LAMB1: variants seen among roughly 807,000 people sequenced by gnomAD.
LAMB1 encodes the protein laminin subunit beta-1.
A neutral mutation model predicts 222.3 loss-of-function variants in LAMB1; 121 were observed. The ratio of observed to expected loss-of-function variants is 0.54; its 90% CI spans 0.47 to 0.63. The LOEUF (loss-of-function observed/expected upper bound fraction) is 0.63, where lower values mean the gene tolerates loss of function less well. Ranked by LOEUF, LAMB1 falls within the 30% of genes least tolerant of loss-of-function variation. The pLI, the probability that LAMB1 is intolerant of heterozygous loss-of-function variation, is 0.00. For synonymous variants in LAMB1, 794 were observed against 807.2 expected (o/e 0.98, Z 0.28); for missense variants, 2,172 against 2,240.8 (o/e 0.97, Z 0.62).
intron 19 of LAMB1, 82 bp downstream of exon 19, chr7:107,959,609 A>G (rs754631684): frequency 1.9e-6 from 3 of 1,613,190 alleles, no homozygotes; most frequent in South Asian, 2.2e-5. Context: ...GGAGGGAAGC[A>G]TCGGCTCTGC....
chr7:107,956,803 C>G (rs2033387481), intron 20 of LAMB1, among the ~76,000 whole-genome samples: 1 of 152,202 alleles, frequency 6.6e-6, no homozygotes. Flanking sequence ...TGGTTCCAAA[C>G]TCAGGCAGGG....
chr7:107,940,365 G>C lies in LAMB1; in HGVS notation c.3392-7C>G. ...CTGGGGTCACAGTCACAGGCTAGAA[G>C]GGAATAAGCAATGCTAGCTGATCTA... On this transcript the variant is annotated splice_region_variant and splice_polypyrimidine_tract_variant and intron_variant, in intron 24 of 33. Coordinates refer to ENST00000222399, the MANE Select transcript of LAMB1 (RefSeq NM_002291.3). The C allele has an allele frequency of 6.2e-7, 1 of 1,606,794 alleles. No individual in the cohort carries two copies.
intron 7 of LAMB1, 57 bp downstream of exon 7, chr7:107,985,965 A>T (rs2034068146): frequency 2.2e-6 from 3 of 1,395,088 alleles, no homozygotes; most frequent in Non-Finnish European, 3.0e-6. Context: ...CTCAAAAAAC[A>T]AAACAAAACA....
In LAMB1 at chr7:108,001,897, G is replaced by A. The variant is rs139532877; in HGVS notation, c.38-164C>T. ...CAATGGAGAGATGAGCGCAGGAGAG[G>A]CTGGGAAGGCAGGGACTCCGAAAGG... is the stretch of plus-strand genomic sequence containing the variant. On this transcript the variant is annotated intron_variant, in intron 2 of 33. Transcript: ENST00000222399. The A allele has an allele frequency of 8.8e-4, 1,298 of 1,467,556 alleles. 9 individuals carry two copies. In the African/African-American group the frequency reaches 0.017, roughly 19 times the overall value. The allele number at this position is 1,467,556 out of a possible 1,614,324, so 90.9% of individuals were successfully genotyped here. A position where few individuals can be genotyped will look rare whatever the true frequency, so the allele number is the denominator to read the frequency against.
rs375320552 is a variant in LAMB1, at chr7:107,935,352, T to TG, written c.4188+62_4188+63insC. The TG allele has an allele frequency of 1.5e-4, 63 of 423,876 alleles. No homozygotes were observed. The African/African-American group carries it at 2.0e-3, about 13-fold the overall frequency. 26.3% of individuals were successfully genotyped at this position (423,876 alleles called of 1,614,324 possible). Reference sequence around the variant, plus strand: ...AAGATGGTTTGTTTTTCTTTGTTTTTTTTTTTTTTTTTTTTTTTTTTGCTT... The same window carrying TG: ...AAGATGGTTTGTTTTTCTTTGTTTTTGTTTTTTTTTTTTTTTTTTTTTGCTT... On this transcript the variant is annotated intron_variant, in intron 27 of 33. Coordinates refer to ENST00000222399, the MANE Select transcript of LAMB1 (RefSeq NM_002291.3).
At chr7:107,931,076 G>A (rs1054692549) in intron 29 of LAMB1, among the ~76,000 whole-genome samples, 5 of 152,088 alleles carry the variant, frequency 3.3e-5, no homozygotes, top group Admixed American at 6.5e-5. Flanking sequence ...ATTACTATAC[G>A]TAATTTCTAA....
At position 107,961,636 on chromosome 7, in the gene LAMB1, C is replaced by T. The variant is rs769757442; in HGVS notation, c.1898G>A (p.Arg633Gln). Reference sequence around the variant, plus strand: ...GCTGCTGGTTGGAATCCTTCCAGGTCGCTGCACTGTGATGACAGCTTTTTC... The same window carrying T: ...GCTGCTGGTTGGAATCCTTCCAGGTTGCTGCACTGTGATGACAGCTTTTTC... ...HWEKAVITVQ[R>Q]PGRIPTSSRC... Residue 633 changes from arginine (R) to glutamine (Q), a missense_variant, in exon 16 of 34, where the codon CGA (arginine) becomes CAA (glutamine). Arg to Gln is a conservative substitution (Grantham distance 43). Coordinates refer to ENST00000222399, the MANE Select transcript of LAMB1 (RefSeq NM_002291.3). 118 of 1,613,928 alleles carry T rather than the reference C, an allele frequency of 7.3e-5. No homozygotes were observed. The highest frequency in any genetic ancestry group is 9.3e-5 in the African/African-American group (7 of 74,892).
chr7:107,996,360 T>TAGAAA (rs1351281776), intron 4 of LAMB1, among the ~76,000 whole-genome samples: 3 of 152,302 alleles, frequency 2.0e-5, no homozygotes, highest in South Asian at 4.1e-4. Context: ...ATAGTGTATT[T>TAGAAA]GATTTCTGTC....
At position 108,001,288 on chromosome 7, in the gene LAMB1, C is replaced by T. The variant is rs144093284; in HGVS notation, c.213+270G>A. 2.9e-3 allele frequency among the ~76,000 whole-genome samples: 446 copies of T among 152,368 alleles called. 2 individuals carry two copies. The highest frequency in any genetic ancestry group is 0.01 in the African/African-American group (423 of 41,592). ...TTTAAAAAACACACACACAATCAGG[C>T]CTTTTGGAGGCTCTGGGTCAGGGCA... On this transcript the variant is annotated intron_variant, in intron 3 of 33. Transcript: ENST00000222399.
chr7:107,988,169 G>A (rs2034115144), intron 5 of LAMB1, among the ~76,000 whole-genome samples: 1 of 152,212 alleles, frequency 6.6e-6, no homozygotes. Flanking sequence ...TGATCAATTA[G>A]ATTGTAGTGG....
At chr7:107,972,151 C>T (rs1468770887) in intron 13 of LAMB1, among the ~76,000 whole-genome samples, 1 of 152,162 alleles carries the variant, frequency 6.6e-6, no homozygotes, top group Non-Finnish European at 1.5e-5. Flanking sequence ...GGCACGACCT[C>T]GAACAGAACA....
Position 107,970,504 on chromosome 7 carries a change from A to AGGG in LAMB1, c.1562+2487_1562+2488insCCC. ...ACTCTGTCTCAAAAAAAAAAAAAAA[A>AGGG]AGGGGGGGGTGGGCTTCAAGCCAGA... On this transcript the variant is annotated intron_variant, in intron 13 of 33. Coordinates refer to ENST00000222399, the MANE Select transcript of LAMB1 (RefSeq NM_002291.3). Among the ~76,000 whole-genome samples, 2 of 125,284 alleles carry AGGG rather than the reference A, an allele frequency of 1.6e-5. 1 individual carries two copies. Among genetic ancestry groups the AGGG allele is most frequent in the African/African-American group, 6.3e-5 (2 of 31,876 alleles). The allele number at this position is 125,284 out of a possible 152,430, so 82.2% of individuals were successfully genotyped here.
intron 21 of LAMB1, 83 bp from the exon 22 acceptor site, chr7:107,953,837 G>C: frequency 1.7e-6 from 2 of 1,204,250 alleles, no homozygotes; most frequent in South Asian, 2.5e-5. Context: ...TGCCTAGAGA[G>C]AGCTGATCGT....
At position 107,985,131 on chromosome 7, in the gene LAMB1, A is replaced by G. The variant is rs142963109; in HGVS notation, c.676+891T>C. On this transcript the variant is annotated intron_variant, in intron 7 of 33. Coordinates refer to ENST00000222399, the MANE Select transcript of LAMB1 (RefSeq NM_002291.3). Reference sequence around the variant, plus strand: ...CAACACAATTACTTGATAACCTATCAATCTTATATCGGATGTATTGTATTT... The same window carrying G: ...CAACACAATTACTTGATAACCTATCGATCTTATATCGGATGTATTGTATTT... Among the ~76,000 whole-genome samples the G allele has an allele frequency of 1.8e-3, 267 of 152,360 alleles. 10 individuals carry two copies. In the East Asian group the frequency reaches 0.046, roughly 26 times the overall value.
chr7:107,934,874 T>C (rs1319270133), intron 27 of LAMB1, among the ~76,000 whole-genome samples: 1 of 125,618 alleles, frequency 8.0e-6, no homozygotes, highest in Non-Finnish European at 1.6e-5. Flanking sequence ...GAGGTCAGCC[T>C]GGGCAACGTA....
chr7:107,953,806 T>C, intron 21 of LAMB1, 52 bp from the exon 22 acceptor site: 3 of 1,506,578 alleles, frequency 2.0e-6, no homozygotes, highest in Non-Finnish European at 1.8e-6. Context: ...GACTGAAAGC[T>C]CACCAGTGCA....
chr7:107,931,155 T>C (rs1281641178), intron 29 of LAMB1, among the ~76,000 whole-genome samples: 5 of 152,182 alleles, frequency 3.3e-5, no homozygotes, highest in East Asian at 1.9e-4. Flanking sequence ...TCCCATCAGG[T>C]GTGTCTGTAT....
intron 9 of LAMB1, among the ~76,000 whole-genome samples, chr7:107,976,585 T>C (rs994260271): frequency 6.6e-6 from 1 of 152,068 alleles, no homozygotes; most frequent in African/African-American, 2.4e-5. Context: ...CACTCCAGCC[T>C]CCCACCTTGC....
rs1213313567 is a variant in LAMB1 at position 107,975,003 on chromosome 7, G to A, written c.1465C>T (p.His489Tyr). The A allele has an allele frequency of 6.3e-7, 1 of 1,598,184 alleles. No individual in the cohort carries two copies. The highest frequency in any genetic ancestry group is 1.1e-5 in the South Asian group (1 of 90,720). The change falls in exon 12 of 34, where the codon CAT (histidine) becomes TAT (tyrosine). Residue 489 changes from histidine (H) to tyrosine (Y), a missense_variant. By Grantham distance (83) the His-to-Tyr change is moderately conservative. Coordinates refer to ENST00000222399, the MANE Select transcript of LAMB1 (RefSeq NM_002291.3). Reference protein sequence around the residue: ...CYCKRLVTGQHCDQCLPEHWG... With the variant: ...CYCKRLVTGQYCDQCLPEHWG... The stretch of plus-strand genomic sequence containing the variant: ...TTACTTACCAGGCACTGGTCACAAT[G>A]CTGTCCTGTCACCAGACGCTTGCAG...
Sources: gnomAD v4.1 joint callset for allele counts (sites outside exome capture counted in the v4.1 genomes callset) on GRCh38, gnomAD v4.1.1 for gene constraint, MANE v1.5 for transcripts, NCBI Gene and HGNC (gene_info 2026-07-23, HGNC 2026-07-21) for gene names.